Variants in HORMAD2 observed in about 807,000 individuals in gnomAD.
HORMAD2 encodes the protein HORMA domain containing 2, also known as HORMA domain-containing protein 2.
Under a neutral mutation model 38.8 loss-of-function variants are expected in HORMAD2, and 45 were observed. The observed-to-expected ratio is 1.16, with a 90% CI of 0.91 to 1.49. The LOEUF (loss-of-function observed/expected upper bound fraction) is 1.49. Among genes scored for constraint, HORMAD2 ranks in the 40% most tolerant of loss-of-function variants. HORMAD2 has a pLI of 0.00. For synonymous variants in HORMAD2, 126 were observed against 122.8 expected, an observed-to-expected ratio of 1.03 and a Z score of -0.17; for missense variants, 338 against 367.0, an observed-to-expected ratio of 0.92 and a Z score of 0.65.
intron 5 of HORMAD2, among the ~76,000 whole-genome samples, chr22:30,108,346 G>A (rs986645556): frequency 6.6e-6 from 1 of 152,062 alleles, no homozygotes; most frequent in Non-Finnish European, 1.5e-5. Flanking sequence ...CACATGGTCT[G>A]CAAGGCCTGT....
At chr22:30,124,454 C>T (rs1922695490) in intron 10 of HORMAD2, among the ~76,000 whole-genome samples, 1 of 152,162 alleles carries the variant, frequency 6.6e-6, no homozygotes, top group Non-Finnish European at 1.5e-5. Context: ...TTGCTACTCC[C>T]TTAGAAGCCA....
At chr22:30,134,387 TTA>T (rs10680910) in intron 10 of HORMAD2, among the ~76,000 whole-genome samples, 1,480 of 146,758 alleles carry the variant, frequency 0.01, 22 homozygotes, top group African/African-American at 0.035. Context: ...ATATATATGA[TTA>T]TATATATATA....
At position 30,119,026 on chromosome 22, in the gene HORMAD2, G is replaced by C; in HGVS notation, c.389G>C (p.Gly130Ala). Residue 130 changes from glycine to alanine, a missense_variant, in exon 8 of 11, where the codon GGA becomes GCA. By Grantham distance (60) the Gly-to-Ala change is moderately conservative. Transcript: ENST00000336726. The part of the protein sequence containing the change: ...YQFKFKYTKE[G>A]ATMDFDSHSS... ...TTCAAATTCAAATACACGAAAGAAG[G>C]AGCCACTATGGATTTTGACAGGTAG... The C allele has an allele frequency of 6.3e-7, 1 of 1,587,880 alleles. No individual in the cohort carries two copies.
chr22:30,195,581 AC>A, the HORMAD2 span, among the ~76,000 whole-genome samples: 1 of 152,198 alleles, frequency 6.6e-6, no homozygotes, highest in African/African-American at 2.4e-5. Context: ...AATGTCCCCC[AC>A]ATACCAGAAA....
intron 1 of HORMAD2, chr22:30,081,119 G>A (rs745494796): frequency 5.3e-5 from 8 of 152,238 alleles, no homozygotes; most frequent in Non-Finnish European, 1.2e-4. Flanking sequence ...GTCCGAGTAC[G>A]CAGGGCACTG....
chr22:30,136,115 AT>A (rs1923633782), intron 10 of HORMAD2, among the ~76,000 whole-genome samples: 1 of 152,240 alleles, frequency 6.6e-6, no homozygotes, highest in Non-Finnish European at 1.5e-5. Flanking sequence ...TCTTCAAAGT[AT>A]GGAAACAATT....
At chr22:30,092,399 A>G (rs540781045) in intron 1 of HORMAD2, among the ~76,000 whole-genome samples, 18 of 104,834 alleles carry the variant, frequency 1.7e-4, no homozygotes, top group Admixed American at 1.6e-3. Context: ...TATATTCTGG[A>G]TATTAATTCT....
intron 10 of HORMAD2, among the ~76,000 whole-genome samples, chr22:30,144,826 C>A (rs374635492): frequency 1.4e-4 from 21 of 152,184 alleles, no homozygotes; most frequent in African/African-American, 4.8e-4. Context: ...TCACCATGAG[C>A]CCCCACCTCA....
the HORMAD2 span, among the ~76,000 whole-genome samples, chr22:30,198,814 TC>T: frequency 0.29 from 44,526 of 152,094 alleles, 8,230 homozygotes; most frequent in Non-Finnish European, 0.41. Context: ...TACTTCCTAC[TC>T]AATAAAAATG....
intron 3 of HORMAD2, among the ~76,000 whole-genome samples, chr22:30,101,742 A>G (rs1006862376): frequency 6.6e-6 from 1 of 152,182 alleles, no homozygotes; most frequent in African/African-American, 2.4e-5. Context: ...ATTTAATGAT[A>G]TACCTTGGCC....
intron 10 of HORMAD2, among the ~76,000 whole-genome samples, chr22:30,157,447 CTT>C (rs879659063): frequency 9.0e-5 from 13 of 144,656 alleles, no homozygotes; most frequent in East Asian, 2.0e-4. Context: ...ATCCCCCTCC[CTT>C]TTTTTTTTTT....
chr22:30,079,772 T>C (rs2068435874), upstream of HORMAD2, among the ~76,000 whole-genome samples: 1 of 152,152 alleles, frequency 6.6e-6, no homozygotes, highest in Non-Finnish European at 1.5e-5. Flanking sequence ...CTCAGCCTCC[T>C]GGGCTCAAGC....
chr22:30,135,435 C>T (rs1165146892), intron 10 of HORMAD2, among the ~76,000 whole-genome samples: 86 of 151,464 alleles, frequency 5.7e-4, no homozygotes, highest in Non-Finnish European at 5.9e-5. Flanking sequence ...CTTGCTGAGT[C>T]GAAGAAAGAG....
chr22:30,103,649 A>ATTTTTTGT (rs1920984149), intron 4 of HORMAD2, 149 bp downstream of exon 4: 1 of 68,232 alleles, frequency 1.5e-5, no homozygotes, highest in African/African-American at 1.3e-4. Flanking sequence ...TCTGTTTTTG[A>ATTTTTTGT]TTTTTTTTTT....
At chr22:30,144,949 G>A (rs1347156301) in intron 10 of HORMAD2, among the ~76,000 whole-genome samples, 1 of 152,070 alleles carries the variant, frequency 6.6e-6, no homozygotes, top group Non-Finnish European at 1.5e-5. Flanking sequence ...AGAGAGGGAG[G>A]CTTGTGTTCT....
intron 5 of HORMAD2, 29 bp downstream of exon 5, chr22:30,104,466 A>T (rs1450607856): frequency 6.4e-7 from 1 of 1,562,952 alleles, no homozygotes; most frequent in African/African-American, 1.4e-5. Flanking sequence ...TTACACTGGA[A>T]TCAAAGGCTT....
chr22:30,101,710 A>T (rs753386263), intron 3 of HORMAD2, among the ~76,000 whole-genome samples: 89 of 152,120 alleles, frequency 5.9e-4, no homozygotes, highest in Non-Finnish European at 9.4e-4. Flanking sequence ...TCAAAATCTA[A>T]TTTTAAATTT....
chr22:30,098,473 C>T (rs1920924694), intron 2 of HORMAD2, among the ~76,000 whole-genome samples: 1 of 152,064 alleles, frequency 6.6e-6, no homozygotes, highest in South Asian at 2.1e-4. Context: ...AAGAGGTCAA[C>T]TATAGGATTG....
chr22:30,125,607 T>A (rs1922809794), intron 10 of HORMAD2, among the ~76,000 whole-genome samples: 1 of 152,310 alleles, frequency 6.6e-6, no homozygotes, highest in East Asian at 1.9e-4. Flanking sequence ...TCCTTTAATA[T>A]GTGCTTTTGG....
Sources: allele counts gnomAD v4.1 joint callset (sites outside exome capture counted in the v4.1 genomes callset), GRCh38; gene constraint gnomAD v4.1.1; transcripts MANE v1.5; gene names NCBI Gene and HGNC (gene_info 2026-07-23, HGNC 2026-07-21).